Variants in ZNF423 observed in about 807,000 individuals in gnomAD.
ZNF423 encodes the protein Ebf-associated zinc finger protein.
In ZNF423, 12 loss-of-function variants were observed where a neutral mutation model predicts 95.8. That is an observed-to-expected ratio of 0.13 (90% CI 0.08 to 0.20). The LOEUF is 0.20. Among genes scored for constraint, ZNF423 ranks in the 10% least tolerant of loss-of-function variants. The probability of loss-of-function intolerance (pLI) is 1.00; values close to 1 mark genes in which losing one functional copy is unlikely to be tolerated. For synonymous variants in ZNF423, 749 were observed against 711.9 expected (o/e 1.05, Z -0.83); for missense variants, 1,316 against 1,737.1 (o/e 0.76, Z 4.31).
chr16:49,677,272 A>AAGGGAAGGGAAGGGAAGGGAAGG (rs1567283933), intron 3 of ZNF423, among the ~76,000 whole-genome samples: 1 of 71,050 alleles, frequency 1.4e-5, no homozygotes, highest in Non-Finnish European at 2.9e-5. Context: ...AGAAGAGAAG[A>AAGGGAAGGGAAGGGAAGGGAAGG]GAAGAGAAGA....
At chr16:49,552,247 C>T (rs149980255) in intron 5 of ZNF423, among the ~76,000 whole-genome samples, 1 of 152,350 alleles carries the variant, frequency 6.6e-6, no homozygotes, top group East Asian at 1.9e-4. Flanking sequence ...CCAGCTCCCT[C>T]TGCCACTGAC....
intron 3 of ZNF423, among the ~76,000 whole-genome samples, chr16:49,696,096 T>G (rs2031959763): frequency 6.6e-6 from 1 of 152,168 alleles, no homozygotes; most frequent in Non-Finnish European, 1.5e-5. Context: ...TGGGAACCCA[T>G]GCCCAACTCT....
intron 2 of ZNF423, among the ~76,000 whole-genome samples, chr16:49,769,633 C>T (rs1005315087): frequency 6.6e-6 from 1 of 152,134 alleles, no homozygotes; most frequent in African/African-American, 2.4e-5. Context: ...ACTAAGGCTC[C>T]AGGCCTGAAA....
At chr16:49,520,134 C>T (rs373331061) in intron 7 of ZNF423, among the ~76,000 whole-genome samples, 25 of 152,254 alleles carry the variant, frequency 1.6e-4, no homozygotes, top group East Asian at 1.4e-3. Flanking sequence ...AGAATGCAGA[C>T]CCCGTGGGTA....
intron 3 of ZNF423, among the ~76,000 whole-genome samples, chr16:49,689,450 C>A (rs542561751): frequency 3.3e-5 from 5 of 151,918 alleles, no homozygotes; most frequent in Non-Finnish European, 7.4e-5. Context: ...AGAGACCCTG[C>A]CTCAAAAAGA....
intron 3 of ZNF423, among the ~76,000 whole-genome samples, chr16:49,707,388 T>A (rs1447375734): frequency 2.0e-5 from 3 of 151,672 alleles, no homozygotes; most frequent in Non-Finnish European, 1.5e-5. Context: ...CCAAGGCGGG[T>A]GGATCACCTG....
rs1315141587 is a variant in ZNF423 at position 49,855,554 on chromosome 16, G to A, written c.40+181C>T. On this transcript the variant is annotated intron_variant, in intron 1 of 7. Transcript: ENST00000563137. The surrounding 1 kb of genome is among the most constrained non-coding windows in gnomAD (Gnocchi z 4.7). The stretch of plus-strand genomic sequence containing the variant: ...GCCGCCGCCTCCGCCTCCTGCTCCC[G>A]GCTTCCTCCTCCCCCTCCTCCGCCT... Among the ~76,000 whole-genome samples, 1 of 131,798 alleles carries A rather than the reference G, an allele frequency of 7.6e-6. No individual in the cohort carries two copies. The highest frequency in any genetic ancestry group is 2.5e-4 in the East Asian group (1 of 3,928). 86.5% of individuals were successfully genotyped at this position (131,798 alleles called of 152,430 possible).
chr16:49,561,343 AC>A (rs1446229318), intron 5 of ZNF423, among the ~76,000 whole-genome samples: 1 of 152,234 alleles, frequency 6.6e-6, no homozygotes, highest in African/African-American at 2.4e-5. Flanking sequence ...AACTACATCT[AC>A]TTTACTGGGG....
At chr16:49,624,183 T>C (rs970536032) in intron 5 of ZNF423, among the ~76,000 whole-genome samples, 4 of 152,050 alleles carry the variant, frequency 2.6e-5, no homozygotes, top group African/African-American at 7.2e-5. Flanking sequence ...TAATGTATTA[T>C]ATATAAACGC....
chr16:49,853,282 C>G (rs1194016975), intron 1 of ZNF423, among the ~76,000 whole-genome samples: 2 of 114,594 alleles, frequency 1.7e-5, no homozygotes, highest in Non-Finnish European at 3.3e-5. Flanking sequence ...TTGAATATTG[C>G]TTAAGAGAAG....
Position 49,635,756 on chromosome 16 carries a change from G to A in ZNF423, c.3420C>T (p.Ala1140=), listed in dbSNP as rs138555234. 2.2e-4 allele frequency: 354 copies of A among 1,612,910 alleles called. No individual in the cohort carries two copies. Among genetic ancestry groups the A allele is most frequent in the East Asian group, 2.0e-4 (9 of 44,850 alleles). The change falls in exon 4 of 8, where the codon GCC becomes GCT. Residue 1140 remains alanine (A), a synonymous_variant. Coordinates refer to ENST00000563137, the MANE Select transcript of ZNF423 (RefSeq NM_001379286.1). This position sits in a 1 kb window ranked among gnomAD's most constrained non-coding sequence, Gnocchi z 4.8. ...CCTGCATGTGGCTCTCCAGGTCTTC[G>A]GCACTCTCAAACTTGACACTGCACT... is the stretch of plus-strand genomic sequence containing the variant. ...CPECSVKFES[A]EDLESHMQVD...
chr16:49,658,897 G>A (rs2030043430), intron 3 of ZNF423, among the ~76,000 whole-genome samples: 1 of 152,196 alleles, frequency 6.6e-6, no homozygotes, highest in Non-Finnish European at 1.5e-5. Flanking sequence ...CAGCCCGAGT[G>A]GCCACCACCT....
chr16:49,606,072 T>C (rs114839397), intron 5 of ZNF423, among the ~76,000 whole-genome samples: 2,733 of 152,244 alleles, frequency 0.018, 73 homozygotes, highest in African/African-American at 0.062. Flanking sequence ...GCCAGCGCCA[T>C]TGTCATAGCA....
chr16:49,519,834 C>G (rs752335708), intron 7 of ZNF423, among the ~76,000 whole-genome samples: 1 of 152,168 alleles, frequency 6.6e-6, no homozygotes. Flanking sequence ...ATGATCTGGG[C>G]TCCACTGCCT....
At chr16:49,778,371 A>G (rs1406466014) in intron 2 of ZNF423, among the ~76,000 whole-genome samples, 1 of 152,242 alleles carries the variant, frequency 6.6e-6, no homozygotes, top group Non-Finnish European at 1.5e-5. Flanking sequence ...GGAAGCCAAC[A>G]CACGCCAGGT....
intron 3 of ZNF423, among the ~76,000 whole-genome samples, chr16:49,686,675 A>C (rs2031577244): frequency 9.0e-6 from 1 of 111,584 alleles, no homozygotes; most frequent in African/African-American, 3.0e-5. Context: ...TACCTACCTT[A>C]CTATCACTGT....
At chr16:49,807,519 A>G (rs889491070) in intron 1 of ZNF423, among the ~76,000 whole-genome samples, 1 of 152,122 alleles carries the variant, frequency 6.6e-6, no homozygotes, top group African/African-American at 2.4e-5. Flanking sequence ...TTCATTCCAC[A>G]AAGACACCCC....
chr16:49,615,130 TCACACACACACA>T (rs61428028), intron 5 of ZNF423, among the ~76,000 whole-genome samples: 3 of 141,154 alleles, frequency 2.1e-5, no homozygotes, highest in Non-Finnish European at 4.6e-5. Context: ...AAACTCCATC[TCACACACACACA>T]CACACACACA....
chr16:49,818,772 A>G (rs2034894574), intron 1 of ZNF423, among the ~76,000 whole-genome samples: 1 of 152,102 alleles, frequency 6.6e-6, no homozygotes, highest in South Asian at 2.1e-4. Flanking sequence ...CTGTAGTCCC[A>G]GCTACTCCAG....
Sources: allele counts gnomAD v4.1 joint callset (sites outside exome capture counted in the v4.1 genomes callset), GRCh38; gene constraint gnomAD v4.1.1; non-coding constraint Gnocchi (gnomAD v3.1); transcripts MANE v1.5; gene names NCBI Gene and HGNC (gene_info 2026-07-23, HGNC 2026-07-21).